Variants in CHODL observed in about 807,000 individuals in gnomAD.
CHODL encodes transmembrane protein MT75.
CHODL carries 29 observed loss-of-function variants against 34.5 expected under a neutral mutation model. The observed-to-expected ratio is 0.84, with a 90% CI of 0.63 to 1.15. The LOEUF is 1.15. Among genes scored for constraint, CHODL ranks in the 50% most tolerant of loss-of-function variants. The pLI is 0.00. For missense variants in CHODL, 332 were observed against 332.5 expected (o/e 1.00, Z 0.01); for synonymous variants, 125 against 116.1 (o/e 1.08, Z -0.49).
Position 18,073,891 on chromosome 21 carries a change from TAATAA to T in CHODL, c.-45+45927_-45+45931del, listed in dbSNP as rs373317482. ...AGATTATATTTATCTTGATGTAATTTAATAAAATAAACTTTATTTTTAAAAAACAG... is the reference window on the plus strand; with the variant it reads ...AGATTATATTTATCTTGATGTAATTTAATAAACTTTATTTTTAAAAAACAG... On this transcript the variant is annotated intron_variant, in intron 2 of 6. Transcript: ENST00000400127. Among the ~76,000 whole-genome samples, 1,320 of 152,248 alleles carry T rather than the reference TAATAA, an allele frequency of 8.7e-3. 24 individuals carry two copies. The highest frequency in any genetic ancestry group is 0.03 in the African/African-American group (1,243 of 41,578).
intron 2 of CHODL, among the ~76,000 whole-genome samples, chr21:18,079,684 T>C (rs1299282456): frequency 6.6e-6 from 1 of 150,594 alleles, no homozygotes; most frequent in Non-Finnish European, 1.5e-5. Context: ...ATTCTGTGAC[T>C]TTACTATTAT....
chr21:18,176,875 G>A (rs1316987432), intron 2 of CHODL, among the ~76,000 whole-genome samples: 3 of 151,942 alleles, frequency 2.0e-5, no homozygotes, highest in African/African-American at 7.3e-5. Context: ...ATCAAGAGGG[G>A]ATGAACATGT....
chr21:17,941,324 T>A (rs2063361603), intron 1 of CHODL, among the ~76,000 whole-genome samples: 1 of 149,030 alleles, frequency 6.7e-6, no homozygotes, highest in Non-Finnish European at 1.5e-5. Context: ...CCTGGGCCAC[T>A]TTCCAAGGCT....
chr21:18,194,081 A>G (rs2073551545), intron 2 of CHODL, among the ~76,000 whole-genome samples: 1 of 151,248 alleles, frequency 6.6e-6, no homozygotes, highest in African/African-American at 2.4e-5. Context: ...TGTGAAAAAC[A>G]CAACGATCTT....
chr21:18,083,963 GA>G (rs1281479035), intron 2 of CHODL, among the ~76,000 whole-genome samples: 3 of 152,164 alleles, frequency 2.0e-5, no homozygotes, highest in African/African-American at 7.2e-5. Context: ...AATGTGAGAA[GA>G]ACATGAGATT....
At chr21:18,090,723 C>T (rs2065062071) in intron 2 of CHODL, among the ~76,000 whole-genome samples, 3 of 67,948 alleles carry the variant, frequency 4.4e-5, no homozygotes, top group Middle Eastern at 7.9e-3. Context: ...ATTATAATTT[C>T]CAGAAAAAAA....
At chr21:18,002,939 C>T (rs1219828167) in intron 1 of CHODL, among the ~76,000 whole-genome samples, 1 of 151,890 alleles carries the variant, frequency 6.6e-6, no homozygotes, top group South Asian at 2.1e-4. Context: ...CGGGCTAACA[C>T]GGTGAAACCC....
chr21:17,962,073 A>T (rs1475549458), intron 1 of CHODL, among the ~76,000 whole-genome samples: 1 of 152,186 alleles, frequency 6.6e-6, no homozygotes, highest in East Asian at 1.9e-4. Context: ...AAGTTCTTCC[A>T]AATATGCAGC....
chr21:18,092,338 G>A (rs2065084101), intron 2 of CHODL, among the ~76,000 whole-genome samples: 4 of 152,130 alleles, frequency 2.6e-5, no homozygotes, highest in African/African-American at 9.7e-5. Flanking sequence ...TAAATACTTG[G>A]AAAGCCTTCC....
chr21:18,026,453 C>CAACAGA (rs755484391), intron 1 of CHODL, among the ~76,000 whole-genome samples: 138,912 of 152,258 alleles, frequency 0.91, 63,696 homozygotes, highest in Middle Eastern at 0.98. Flanking sequence ...AAGCTTGGAT[C>CAACAGA]ACTTTAAGGA....
chr21:18,167,606 G>A (rs974093722), intron 2 of CHODL, among the ~76,000 whole-genome samples: 1 of 152,070 alleles, frequency 6.6e-6, no homozygotes, highest in African/African-American at 2.4e-5. Context: ...ACCGTGCCCG[G>A]CCTTTATTAA....
At chr21:18,263,163 ATAGT>A (rs1267136042) in intron 5 of CHODL, among the ~76,000 whole-genome samples, 1 of 152,152 alleles carries the variant, frequency 6.6e-6, no homozygotes, top group African/African-American at 2.4e-5. Context: ...CTTGGGTACC[ATAGT>A]TAGTGTCCAC....
intron 1 of CHODL, among the ~76,000 whole-genome samples, chr21:18,011,642 C>G (rs1189545309): frequency 6.6e-6 from 1 of 152,186 alleles, no homozygotes; most frequent in Non-Finnish European, 1.5e-5. Flanking sequence ...TGTTTTCATT[C>G]TCTCAAGCTG....
chr21:18,094,999 C>T (rs1379260736), intron 2 of CHODL, among the ~76,000 whole-genome samples: 1 of 151,922 alleles, frequency 6.6e-6, no homozygotes, highest in Admixed American at 6.6e-5. Flanking sequence ...TGATGCATGC[C>T]TGTAGCCCCA....
At chr21:18,053,637 G>A (rs896371895) in intron 2 of CHODL, among the ~76,000 whole-genome samples, 1 of 151,808 alleles carries the variant, frequency 6.6e-6, no homozygotes, top group African/African-American at 2.4e-5. Flanking sequence ...GGAAAATCTA[G>A]TTGTCTATAT....
At chr21:18,184,055 GA>G (rs1192696204) in intron 2 of CHODL, among the ~76,000 whole-genome samples, 1 of 152,024 alleles carries the variant, frequency 6.6e-6, no homozygotes, top group African/African-American at 2.4e-5. Context: ...TTAATTACAT[GA>G]ATTGTGATTT....
chr21:18,107,402 A>C (rs1601012102), intron 2 of CHODL, among the ~76,000 whole-genome samples: 1 of 152,228 alleles, frequency 6.6e-6, no homozygotes, highest in Non-Finnish European at 1.5e-5. Context: ...AGACAAATGC[A>C]CAGCAGGGGG....
intron 2 of CHODL, among the ~76,000 whole-genome samples, chr21:18,155,592 G>A (rs2073024668): frequency 1.3e-5 from 2 of 152,170 alleles, no homozygotes; most frequent in South Asian, 4.1e-4. Context: ...TGACAAAACA[G>A]AGGGCAGAAT....
intron 2 of CHODL, among the ~76,000 whole-genome samples, chr21:18,222,387 G>A (rs2073892979): frequency 6.6e-6 from 1 of 152,106 alleles, no homozygotes; most frequent in Non-Finnish European, 1.5e-5. Flanking sequence ...AGTCTAGTAT[G>A]GGCTTTACTC....
Sources: gnomAD v4.1 joint callset for allele counts (sites outside exome capture counted in the v4.1 genomes callset) on GRCh38, gnomAD v4.1.1 for gene constraint, MANE v1.5 for transcripts, NCBI Gene and HGNC (gene_info 2026-07-23, HGNC 2026-07-21) for gene names.